The following SMC1B variants were observed in gnomAD, a reference collection of about 807,000 sequenced individuals.
SMC1B encodes the protein structural maintenance of chromosomes 1B, also known as structural maintenance of chromosomes protein 1B.
Under a neutral mutation model 157.9 loss-of-function variants are expected in SMC1B, and 60 were observed. That is an observed-to-expected ratio of 0.38 (90% CI 0.31 to 0.47). The LOEUF is 0.47. Among genes scored for constraint, SMC1B ranks in the 20% least tolerant of loss-of-function variants. The pLI, the probability that SMC1B is intolerant of heterozygous loss-of-function variation, is 0.99. For missense variants in SMC1B, 1,165 were observed against 1,426.2 expected (o/e 0.82, Z 2.95); for synonymous variants, 445 against 483.0 (o/e 0.92, Z 1.03).
At chr22:45,359,147 G>A (rs916063383) in intron 18 of SMC1B, among the ~76,000 whole-genome samples, 10 of 152,152 alleles carry the variant, frequency 6.6e-5, no homozygotes, top group African/African-American at 1.9e-4. Flanking sequence ...GGGAGGATGC[G>A]CATAGGTCAT....
chr22:45,375,028 A>C (rs1047929872), intron 12 of SMC1B, among the ~76,000 whole-genome samples: 2 of 152,218 alleles, frequency 1.3e-5, no homozygotes, highest in African/African-American at 4.8e-5. Flanking sequence ...GTGAAAGGAA[A>C]ATAAATCTTG....
At chr22:45,376,256 GCCT>G (rs2086882597) in intron 12 of SMC1B, among the ~76,000 whole-genome samples, 1 of 152,040 alleles carries the variant, frequency 6.6e-6, no homozygotes, top group Non-Finnish European at 1.5e-5. Context: ...GCAACCACTG[GCCT>G]CCTTTCTGTC....
intron 9 of SMC1B, among the ~76,000 whole-genome samples, chr22:45,393,046 A>G (rs1476705668): frequency 6.6e-6 from 1 of 152,116 alleles, no homozygotes; most frequent in Non-Finnish European, 1.5e-5. Context: ...TCAAATGCTG[A>G]AAACAGGCCA....
At chr22:45,388,720 T>C (rs2087018516) in intron 10 of SMC1B, among the ~76,000 whole-genome samples, 1 of 152,028 alleles carries the variant, frequency 6.6e-6, no homozygotes, top group Non-Finnish European at 1.5e-5. Flanking sequence ...CTCACGCCTG[T>C]AATCCCAGCA....
rs539799349 is a variant in SMC1B at position 45,394,717 on chromosome 22, T to C, written c.1305A>G (p.Ile435Met). ...TCTTTGTATACTCCTCTAACTTCTC[T>C]ATTCGTTTTTTATGATCTTCTATTT... ...KEQIEDHKKR[I>M]EKLEEYTKTC... Residue 435 changes from isoleucine to methionine, a missense_variant, in exon 8 of 25, where the codon ATA becomes ATG. Physicochemically the swap from Ile to Met is conservative, Grantham distance 10 (BLOSUM62 1). Transcript: ENST00000357450. The C allele has an allele frequency of 7.7e-6, 12 of 1,563,806 alleles. No homozygotes were observed. The Admixed American group carries it at 9.1e-5, about 12-fold the overall frequency.
At position 45,358,726 on chromosome 22, in the gene SMC1B, C is replaced by T. The variant is rs761784677; in HGVS notation, c.2932G>A (p.Asp978Asn). The T allele has an allele frequency of 5.0e-6, 8 of 1,612,330 alleles. No homozygotes were observed. In the Admixed American group the frequency reaches 6.7e-5, roughly 13 times the overall value. Residue 978 changes from aspartate (D) to asparagine (N), a missense_variant, in exon 19 of 25, where the codon GAC becomes AAC. Physicochemically the swap from Asp to Asn is conservative, Grantham distance 23. Transcript: ENST00000357450. ...AAATCCTCTTTTAGAGAGCTGTAGT[C>T]TATTTCAAAGGCTTCTTCTTTTTCA... ...IYEKEEAFEI[D>N]YSSLKEDLKA...
rs553119439 is a variant in SMC1B, at chr22:45,381,327, G to C, written c.2058+2140C>G. ...CCCCACAAGGATTTTCTATACCTGAGGGTCAGTAATTACAAGAGAAGACTG... is the reference window on the plus strand; with the variant it reads ...CCCCACAAGGATTTTCTATACCTGACGGTCAGTAATTACAAGAGAAGACTG... On this transcript the variant is annotated intron_variant, in intron 12 of 24. Transcript: ENST00000357450. Among the ~76,000 whole-genome samples the C allele has an allele frequency of 3.2e-4, 49 of 152,128 alleles. 2 individuals are homozygous for C. In the South Asian group the frequency reaches 4.8e-3, roughly 15 times the overall value.
chr22:45,371,393 T>C, intron 14 of SMC1B, 78 bp downstream of exon 14: 4 of 1,432,700 alleles, frequency 2.8e-6, no homozygotes, highest in South Asian at 3.2e-5. Flanking sequence ...TGCTTTAGCA[T>C]ATATTTAAGA....
chr22:45,396,268 AT>A, intron 7 of SMC1B, 77 bp downstream of exon 7: 1 of 1,306,268 alleles, frequency 7.7e-7, no homozygotes, highest in South Asian at 1.4e-5. Flanking sequence ...AAGGAGATTC[AT>A]TCTGGAGACA....
intron 23 of SMC1B, among the ~76,000 whole-genome samples, chr22:45,346,097 C>T (rs1000673301): frequency 4.6e-5 from 7 of 151,386 alleles, no homozygotes; most frequent in African/African-American, 1.5e-4. Context: ...CCCAGCTACT[C>T]GGGAGGCTGA....
At chr22:45,359,064 TAAAACA>T (rs1374680171) in intron 18 of SMC1B, among the ~76,000 whole-genome samples, 2 of 152,026 alleles carry the variant, frequency 1.3e-5, no homozygotes, top group Non-Finnish European at 2.9e-5. Context: ...CTTCAATCTG[TAAAACA>T]AAAACAAAAA....
chr22:45,402,953 A>G (rs1223523594), intron 4 of SMC1B, among the ~76,000 whole-genome samples: 1 of 152,228 alleles, frequency 6.6e-6, no homozygotes, highest in African/African-American at 2.4e-5. Flanking sequence ...TTTAAATTCA[A>G]TGACTCCAGG....
In SMC1B at chr22:45,383,515, C is replaced by A. The variant is rs766630772; in HGVS notation, c.2010G>T (p.Glu670Asp). 1.2e-6 allele frequency: 2 copies of A among 1,610,196 alleles called. No homozygotes were observed. The highest frequency in any genetic ancestry group is 2.7e-5 in the African/African-American group (2 of 74,646). ...TTCGTCTGTCTCTTAGATTCTTTAA[C>A]TCTTTCTCATCCCAGCATCTAGCCT... is the stretch of plus-strand genomic sequence containing the variant. Reference protein sequence around the residue: ...KYKARCWDEKELKNLRDRRSQ... With the variant: ...KYKARCWDEKDLKNLRDRRSQ... Residue 670 changes from glutamate (E) to aspartate (D), a missense_variant, in exon 12 of 25, where the codon GAG (glutamate) becomes GAT (aspartate). Physicochemically the swap from Glu to Asp is conservative, Grantham distance 45. Transcript: ENST00000357450.
chr22:45,363,420 G>T (rs1306218975), intron 15 of SMC1B, among the ~76,000 whole-genome samples: 3 of 152,168 alleles, frequency 2.0e-5, no homozygotes, highest in Non-Finnish European at 4.4e-5. Flanking sequence ...AGTGGCTCAT[G>T]CCTGTAATCC....
At chr22:45,386,665 G>T (rs2086992665) in intron 11 of SMC1B, among the ~76,000 whole-genome samples, 1 of 152,122 alleles carries the variant, frequency 6.6e-6, no homozygotes, top group East Asian at 1.9e-4. Context: ...GTTGAGAAAT[G>T]CTATAAGAGT....
chr22:45,379,919 G>T (rs961397581), intron 12 of SMC1B, among the ~76,000 whole-genome samples: 75 of 151,656 alleles, frequency 4.9e-4, no homozygotes, highest in African/African-American at 1.6e-3. Flanking sequence ...TTTTAGTAGA[G>T]ACAGGGTTTC....
intron 11 of SMC1B, 122 bp downstream of exon 11, chr22:45,386,745 T>A: frequency 1.2e-6 from 1 of 834,218 alleles, no homozygotes; most frequent in Non-Finnish European, 1.8e-6. Flanking sequence ...TCTATGTTGG[T>A]TCTCTTTAGA....
chr22:45,402,549 A>G lies in SMC1B; in HGVS notation c.638T>C (p.Leu213Pro), dbSNP rs1368691066. 8 of 1,613,510 alleles carry G rather than the reference A, an allele frequency of 5.0e-6. No individual in the cohort carries two copies. Among genetic ancestry groups the G allele is most frequent in the Non-Finnish European group, 6.8e-6 (8 of 1,179,776 alleles). The change falls in exon 5 of 25, where the codon CTT becomes CCT. Residue 213 changes from leucine (L) to proline (P), a missense_variant. Coordinates refer to ENST00000357450, the MANE Select transcript of SMC1B (RefSeq NM_148674.5). ...TATCTTGTTCATTTTCAGTTCTTCA[A>G]GGAGACTCTGGTAACGTTCTGCCTA... is the stretch of plus-strand genomic sequence containing the variant. ...KEEAERYQSLLEELKMNKIQL... is the reference protein window; with the variant it reads ...KEEAERYQSLPEELKMNKIQL...
intron 11 of SMC1B, 94 bp from the exon 12 acceptor site, chr22:45,383,707 T>C (rs937904009): frequency 1.8e-6 from 2 of 1,121,308 alleles, no homozygotes; most frequent in Non-Finnish European, 2.5e-6. Flanking sequence ...GAATAAAACA[T>C]ATGAGAAAAG....
Sources: allele counts gnomAD v4.1 joint callset (sites outside exome capture counted in the v4.1 genomes callset), GRCh38; gene constraint gnomAD v4.1.1; transcripts MANE v1.5; gene names NCBI Gene and HGNC (gene_info 2026-07-23, HGNC 2026-07-21).